Variants in AK5 observed in about 807,000 individuals in gnomAD.
AK5 encodes the protein adenylate kinase isoenzyme 5.
AK5 carries 27 observed loss-of-function variants against 69.5 expected under a neutral mutation model. The ratio of observed to expected loss-of-function variants is 0.39; its 90% CI spans 0.29 to 0.54. The LOEUF is 0.54. Ranked by LOEUF, AK5 falls within the 20% of genes least tolerant of loss-of-function variation. The pLI is 0.71. For missense variants in AK5, 531 were observed against 700.4 expected, an observed-to-expected ratio of 0.76 and a Z score of 2.73; for synonymous variants, 260 against 244.4, an observed-to-expected ratio of 1.06 and a Z score of -0.60.
chr1:77,368,252 TA>T lies in AK5; in HGVS notation c.891+27686del, dbSNP rs1354697595. 4.8e-3 allele frequency among the ~76,000 whole-genome samples: 279 copies of T among 58,180 alleles called. 3 individuals are homozygous for T. Among genetic ancestry groups the T allele is most frequent in the Non-Finnish European group, 7.5e-3 (181 of 24,096 alleles). 38.2% of individuals were successfully genotyped at this position (58,180 alleles called of 152,430 possible). A position where few individuals can be genotyped will look rare whatever the true frequency, so the allele number is the denominator to read the frequency against. On this transcript the variant is annotated intron_variant, in intron 6 of 13. Transcript: ENST00000354567. Reference sequence around the variant, plus strand: ...ATATATATATATATATATATATATATAATATATATGTTATATATATGTTATA... The same window carrying T: ...ATATATATATATATATATATATATATATATATATGTTATATATATGTTATA...
intron 5 of AK5, among the ~76,000 whole-genome samples, chr1:77,335,126 G>A (rs566292278): frequency 2.0e-5 from 3 of 152,152 alleles, no homozygotes; most frequent in Non-Finnish European, 2.9e-5. Flanking sequence ...TGACAGTTAA[G>A]AACAAGGAGC....
intron 8 of AK5, among the ~76,000 whole-genome samples, chr1:77,454,002 C>T (rs1020303002): frequency 6.6e-6 from 1 of 152,118 alleles, no homozygotes; most frequent in African/African-American, 2.4e-5. Flanking sequence ...AAAGACTCAC[C>T]TGGTCCAAAA....
At chr1:77,482,153 C>T (rs886933152) in intron 8 of AK5, among the ~76,000 whole-genome samples, 3 of 152,148 alleles carry the variant, frequency 2.0e-5, no homozygotes, top group Non-Finnish European at 2.9e-5. Flanking sequence ...TTTATGTTCA[C>T]ATGTATCCCT....
At chr1:77,549,697 AGTCT>A (rs1336075785) in intron 13 of AK5, among the ~76,000 whole-genome samples, 2 of 152,126 alleles carry the variant, frequency 1.3e-5, no homozygotes, top group Non-Finnish European at 2.9e-5. Flanking sequence ...GAACATTCGA[AGTCT>A]GTCTTTCTGT....
intron 8 of AK5, among the ~76,000 whole-genome samples, chr1:77,419,956 A>G (rs557367183): frequency 2.0e-5 from 3 of 152,286 alleles, no homozygotes; most frequent in Non-Finnish European, 2.9e-5. Context: ...TCATTCAACA[A>G]GTATTAATTG....
At chr1:77,282,881 C>A in intron 1 of AK5, 6 of 986,402 alleles carry the variant, frequency 6.1e-6, no homozygotes, top group Non-Finnish European at 7.2e-6. Flanking sequence ...GATGAAGATG[C>A]AAAAAGCAAA....
intron 6 of AK5, among the ~76,000 whole-genome samples, chr1:77,398,000 A>C (rs999205394): frequency 6.6e-6 from 1 of 152,222 alleles, no homozygotes; most frequent in Non-Finnish European, 1.5e-5. Flanking sequence ...CTACTGCAAG[A>C]TGCATTCCCC....
intron 6 of AK5, among the ~76,000 whole-genome samples, chr1:77,367,655 TATATATATGTTATATATA>T (rs1172049233): frequency 1.2e-4 from 10 of 85,124 alleles, no homozygotes; most frequent in East Asian, 3.9e-4. Context: ...TTATATATGT[TATATATATGTTATATATA>T]ATATATATGT....
At chr1:77,376,443 A>C (rs1014200685) in intron 6 of AK5, among the ~76,000 whole-genome samples, 5 of 121,456 alleles carry the variant, frequency 4.1e-5, no homozygotes, top group East Asian at 2.5e-4. Flanking sequence ...CAAAAAAAAA[A>C]AAAAAAACAA....
At chr1:77,291,250 G>A (rs1318340845) in intron 2 of AK5, among the ~76,000 whole-genome samples, 1 of 152,100 alleles carries the variant, frequency 6.6e-6, no homozygotes, top group African/African-American at 2.4e-5. Context: ...AATTGTTTTT[G>A]AACTGTCACC....
chr1:77,444,483 TATATACATA>T lies in AK5; in HGVS notation c.1059+26769_1059+26777del, dbSNP rs1188023920. 1.2e-3 allele frequency among the ~76,000 whole-genome samples: 6 copies of T among 4,948 alleles called. No individual in the cohort carries two copies. In the Admixed American group the frequency reaches 0.016, roughly 13 times the overall value. The allele number at this position is 4,948 out of a possible 152,430, so 3.2% of individuals were successfully genotyped here. A position where few individuals can be genotyped will look rare whatever the true frequency, so the allele number is the denominator to read the frequency against. ...TAGTATAAATATATACTATATATAG[TATATACATA>T]GTATAAATATATACTATATATAGTA... On this transcript the variant is annotated intron_variant, in intron 8 of 13. Transcript: ENST00000354567.
At chr1:77,512,555 TTAAG>T (rs1657411822) in intron 10 of AK5, among the ~76,000 whole-genome samples, 1 of 152,174 alleles carries the variant, frequency 6.6e-6, no homozygotes, top group African/African-American at 2.4e-5. Context: ...TTATTATACT[TTAAG>T]TTTTAGGGTA....
intron 8 of AK5, among the ~76,000 whole-genome samples, chr1:77,427,968 G>A (rs906670696): frequency 6.6e-6 from 1 of 152,162 alleles, no homozygotes; most frequent in African/African-American, 2.4e-5. Context: ...ATTACCACAA[G>A]GACAGAACCA....
intron 7 of AK5, among the ~76,000 whole-genome samples, chr1:77,414,875 G>A (rs554920524): frequency 6.6e-6 from 1 of 152,144 alleles, no homozygotes; most frequent in South Asian, 2.1e-4. Context: ...TCAAACCTTA[G>A]AGTATTATTA....
intron 8 of AK5, among the ~76,000 whole-genome samples, chr1:77,449,085 A>G (rs1652963115): frequency 6.6e-6 from 1 of 152,218 alleles, no homozygotes; most frequent in Admixed American, 6.5e-5. Flanking sequence ...CAGAGTCCCT[A>G]CTGGGGCACC....
chr1:77,515,338 T>C (rs1657575648), intron 10 of AK5, among the ~76,000 whole-genome samples: 1 of 152,126 alleles, frequency 6.6e-6, no homozygotes, highest in Non-Finnish European at 1.5e-5. Context: ...ACAACTAATG[T>C]TGTCCCTTAA....
At chr1:77,491,056 G>A (rs1253881054) in intron 10 of AK5, among the ~76,000 whole-genome samples, 3 of 152,050 alleles carry the variant, frequency 2.0e-5, no homozygotes, top group African/African-American at 7.2e-5. Context: ...ACGTGGCCTG[G>A]TGTACATTGG....
chr1:77,405,498 G>T (rs975783248), intron 6 of AK5, among the ~76,000 whole-genome samples: 19 of 152,228 alleles, frequency 1.2e-4, no homozygotes, highest in Non-Finnish European at 2.8e-4. Flanking sequence ...CCTCTTCAAG[G>T]TTGAGGGCTG....
chr1:77,317,908 T>G (rs916111318), intron 5 of AK5, among the ~76,000 whole-genome samples: 2 of 152,206 alleles, frequency 1.3e-5, no homozygotes, highest in South Asian at 2.1e-4. Flanking sequence ...TCAGCAACTT[T>G]TAGTAACGTT....
Sources: gnomAD v4.1 joint callset for allele counts (sites outside exome capture counted in the v4.1 genomes callset) on GRCh38, gnomAD v4.1.1 for gene constraint, MANE v1.5 for transcripts, NCBI Gene and HGNC (gene_info 2026-07-23, HGNC 2026-07-21) for gene names.